Variants in PECAM1 observed in about 807,000 individuals in gnomAD.
The protein encoded by PECAM1 is platelet and endothelial cell adhesion molecule 1, also known as platelet endothelial cell adhesion molecule.
PECAM1 carries 8 observed loss-of-function variants against 13.8 expected under a neutral mutation model. That is an observed-to-expected ratio of 0.58 (90% CI 0.34 to 1.05). PECAM1 has a LOEUF of 1.05. PECAM1 is among the 50% of genes least tolerant of loss of function. PECAM1 has a pLI of 0.03. For synonymous variants in PECAM1, 136 were observed against 52.6 expected, an observed-to-expected ratio of 2.58 and a Z score of -6.86; for missense variants, 304 against 141.2, an observed-to-expected ratio of 2.15 and a Z score of -5.84.
At chr17:64,365,954 A>G (rs1271569069) in intron 5 of PECAM1, among the ~76,000 whole-genome samples, 1 of 151,854 alleles carries the variant, frequency 6.6e-6, no homozygotes, top group African/African-American at 2.4e-5. Flanking sequence ...AATGGCAACA[A>G]AAGCCAAAAT....
chr17:64,332,224 C>T (rs1026846699), intron 14 of PECAM1, among the ~76,000 whole-genome samples: 23 of 152,092 alleles, frequency 1.5e-4, no homozygotes, highest in African/African-American at 3.9e-4. Flanking sequence ...ATCAGCCCAA[C>T]GCTAATGTTG....
intron 13 of PECAM1, among the ~76,000 whole-genome samples, chr17:64,344,450 G>A (rs1162682420): frequency 2.0e-5 from 3 of 152,040 alleles, no homozygotes; most frequent in Non-Finnish European, 4.4e-5. Flanking sequence ...AACGTCATGG[G>A]GTTTTCCCAG....
In PECAM1 at chr17:64,363,130, T is replaced by C. The variant is rs2036024570; in HGVS notation, c.1216+19A>G. 2 of 475,278 alleles carry C rather than the reference T, an allele frequency of 4.2e-6. No homozygotes were observed. Among genetic ancestry groups the C allele is most frequent in the Admixed American group, 3.2e-5 (1 of 31,722 alleles). The allele number at this position is 475,278 out of a possible 1,614,324, so 29.4% of individuals were successfully genotyped here. Reference sequence around the variant, plus strand: ...CATTCAACCCTGGATGTCCTCTGAGTCAGCAACAATATACTCACCACATAC... The same window carrying C: ...CATTCAACCCTGGATGTCCTCTGAGCCAGCAACAATATACTCACCACATAC... On this transcript the variant is annotated intron_variant, in intron 6 of 15. Coordinates refer to ENST00000563924, the MANE Select transcript of PECAM1 (RefSeq NM_000442.5).
At chr17:64,331,936 G>A (rs984044161) in intron 14 of PECAM1, among the ~76,000 whole-genome samples, 5 of 152,202 alleles carry the variant, frequency 3.3e-5, no homozygotes, top group Admixed American at 6.5e-5. Flanking sequence ...AGAAAAGTAC[G>A]CCAAGGGGCC....
At chr17:64,383,320 C>A (rs1464953323) in intron 2 of PECAM1, among the ~76,000 whole-genome samples, 2 of 152,174 alleles carry the variant, frequency 1.3e-5, no homozygotes, top group Non-Finnish European at 2.9e-5. Flanking sequence ...CTCTGGGCCA[C>A]CACGTCTCTG....
intron 4 of PECAM1, among the ~76,000 whole-genome samples, chr17:64,370,814 T>C (rs1010318707): frequency 6.6e-6 from 1 of 152,010 alleles, no homozygotes; most frequent in East Asian, 1.9e-4. Context: ...GGGCATAAAC[T>C]GGAATATATA....
intron 2 of PECAM1, among the ~76,000 whole-genome samples, chr17:64,388,058 C>G (rs2036636545): frequency 7.5e-6 from 1 of 133,498 alleles, no homozygotes; most frequent in Admixed American, 8.3e-5. Context: ...AAGGCAGAGG[C>G]CTGAGGAGGC....
chr17:64,351,489 C>A (rs2035722480), intron 11 of PECAM1, among the ~76,000 whole-genome samples: 2 of 152,058 alleles, frequency 1.3e-5, no homozygotes, highest in Non-Finnish European at 2.9e-5. Flanking sequence ...CTTTGGGAGG[C>A]CAAGGCAGAA....
chr17:64,338,567 AT>A (rs11377907), intron 14 of PECAM1, among the ~76,000 whole-genome samples: 58,316 of 151,162 alleles, frequency 0.39, 11,386 homozygotes, highest in Non-Finnish European at 0.41. Flanking sequence ...ATTTATTTTT[AT>A]TTTTTTGAGA....
chr17:64,372,869 A>T (rs1004755120), intron 4 of PECAM1, among the ~76,000 whole-genome samples: 1 of 150,996 alleles, frequency 6.6e-6, no homozygotes, highest in Admixed American at 6.6e-5. Flanking sequence ...TAATCCCAGC[A>T]CTTTGGGAGG....
chr17:64,330,533 G>A (rs2035082769), intron 14 of PECAM1, among the ~76,000 whole-genome samples: 1 of 151,804 alleles, frequency 6.6e-6, no homozygotes, highest in South Asian at 2.1e-4. Flanking sequence ...TTACTCGGGA[G>A]GCTGAGGCGG....
At chr17:64,332,370 C>G (rs2035147357) in intron 14 of PECAM1, among the ~76,000 whole-genome samples, 1 of 149,262 alleles carries the variant, frequency 6.7e-6, no homozygotes, top group Admixed American at 6.8e-5. Flanking sequence ...AACCTCTTTC[C>G]CAACAGCGAA....
chr17:64,353,940 CTTT>C (rs11446231), intron 9 of PECAM1, among the ~76,000 whole-genome samples: 46 of 130,070 alleles, frequency 3.5e-4, no homozygotes, highest in Admixed American at 4.7e-4. Flanking sequence ...CTCTCTCTCT[CTTT>C]TTTTTTTTTT....
chr17:64,330,084 C>G (rs367566276), intron 14 of PECAM1, among the ~76,000 whole-genome samples: 2 of 152,016 alleles, frequency 1.3e-5, no homozygotes, highest in African/African-American at 4.8e-5. Context: ...GGCACTATCT[C>G]GGCTCACTGC....
chr17:64,344,795 G>A (rs2035523129), intron 13 of PECAM1, among the ~76,000 whole-genome samples: 2 of 152,056 alleles, frequency 1.3e-5, no homozygotes, highest in Non-Finnish European at 2.9e-5. Context: ...GAGGAGGACG[G>A]GTCTAGAAAA....
At chr17:64,340,076 G>C (rs1222568034) in intron 14 of PECAM1, among the ~76,000 whole-genome samples, 1 of 152,124 alleles carries the variant, frequency 6.6e-6, no homozygotes, top group Non-Finnish European at 1.5e-5. Flanking sequence ...GGGCCGGGGG[G>C]TGTTGCACGG....
At chr17:64,346,947 T>G (rs2035583322) in intron 13 of PECAM1, among the ~76,000 whole-genome samples, 1 of 152,202 alleles carries the variant, frequency 6.6e-6, no homozygotes, top group African/African-American at 2.4e-5. Context: ...CAAGCAACTT[T>G]AGGAACACAC....
rs2143932374 is a variant in PECAM1 at position 64,390,592 on chromosome 17, A to T, written c.64+10T>A. On this transcript the variant is annotated intron_variant, in intron 1 of 15. Transcript: ENST00000563924. The stretch of plus-strand genomic sequence containing the variant: ...AGTTAAAGTGATGTGGAAACAGAGT[A>T]AACACTCACAGAGCAGAAGGGTCAG... 1 of 472,766 alleles carries T rather than the reference A, an allele frequency of 2.1e-6. No individual in the cohort carries two copies. The highest frequency in any genetic ancestry group is 3.1e-5 in the East Asian group (1 of 31,950). 29.3% of individuals were successfully genotyped at this position (472,766 alleles called of 1,614,324 possible).
chr17:64,323,593 G>A lies in PECAM1; in HGVS notation c.*223C>T. The A allele has an allele frequency of 7.0e-7, 1 of 1,425,886 alleles. No individual in the cohort carries two copies. The highest frequency in any genetic ancestry group is 1.5e-5 in the South Asian group (1 of 66,648). The allele number at this position is 1,425,886 out of a possible 1,614,324, so 88.3% of individuals were successfully genotyped here. On this transcript the variant is annotated 3_prime_UTR_variant, in exon 16 of 16. Transcript: ENST00000563924. Reference sequence around the variant, plus strand: ...CAAGGATGTTCCAACTTGGTGGAAGGAGGGTATGTGGGAAATTCAACAGCC... The same window carrying A: ...CAAGGATGTTCCAACTTGGTGGAAGAAGGGTATGTGGGAAATTCAACAGCC...
Sources: gnomAD v4.1 joint callset for allele counts (sites outside exome capture counted in the v4.1 genomes callset) on GRCh38, gnomAD v4.1.1 for gene constraint, MANE v1.5 for transcripts, NCBI Gene and HGNC (gene_info 2026-07-23, HGNC 2026-07-21) for gene names.